FOXH1: variants seen among roughly 807,000 people sequenced by gnomAD.
FOXH1 encodes forkhead box H1, also known as forkhead box protein H1.
FOXH1 carries 10 observed loss-of-function variants against 14.2 expected under a neutral mutation model. The observed-to-expected ratio is 0.70, with a 90% CI of 0.43 to 1.19. FOXH1 has a LOEUF of 1.19. FOXH1 is among the 50% of genes most tolerant of loss of function. The pLI is 0.00. For synonymous variants in FOXH1, 273 were observed against 209.5 expected, an observed-to-expected ratio of 1.30 and a Z score of -2.62; for missense variants, 643 against 492.1, an observed-to-expected ratio of 1.31 and a Z score of -2.90.
rs760782228 is a variant in FOXH1 at position 144,474,610 on chromosome 8, G to A, written c.726C>T (p.Thr242=). 13 of 1,600,976 alleles carry A rather than the reference G, an allele frequency of 8.1e-6. No homozygotes were observed. The Admixed American group carries it at 1.5e-4, about 19-fold the overall frequency. The change falls in exon 3 of 3, where the codon ACC becomes ACT. Residue 242 remains threonine, a synonymous_variant. Transcript: ENST00000377317. Reference sequence around the variant, plus strand: ...GCCAGGCCCTAGGCTCTGGGGAGAGGGTTGAGGGCCCGATGGCTCCCCCCT... The same window carrying A: ...GCCAGGCCCTAGGCTCTGGGGAGAGAGTTGAGGGCCCGATGGCTCCCCCCT... The part of the protein sequence containing the change: ...TVQGGAIGPS[T]LSPEPRAWPL...
At position 144,475,673 on chromosome 8, in the gene FOXH1, G is replaced by C; in HGVS notation, c.84C>G (p.Tyr28Ter). The C allele has an allele frequency of 7.0e-7, 1 of 1,425,268 alleles. No homozygotes were observed. The highest frequency in any genetic ancestry group is 9.2e-7 in the Non-Finnish European group (1 of 1,087,628). The allele number at this position is 1,425,268 out of a possible 1,614,324, so 88.3% of individuals were successfully genotyped here. ...SQPPKRRKKRYLRHDKPPYTY... is the reference protein window; with the variant it reads ...SQPPKRRKKR ...TGTAGGGGGGCTTGTCATGTCGCAG[G>C]TACCTCTTCTTCCTCCTCTTAGGGG... Residue 28 changes from tyrosine to a stop codon, truncating the protein, a stop_gained, in exon 1 of 3, where the codon TAC becomes TAG. Transcript: ENST00000377317. LOFTEE classifies it high-confidence loss of function.
rs1825128070 is a variant in FOXH1 at position 144,475,657 on chromosome 8, G to A, written c.100C>T (p.Pro34Ser). 1.4e-6 allele frequency: 2 copies of A among 1,422,098 alleles called. No individual in the cohort carries two copies. Among genetic ancestry groups the A allele is most frequent in the Non-Finnish European group, 9.2e-7 (1 of 1,085,418 alleles). The allele number at this position is 1,422,098 out of a possible 1,614,324, so 88.1% of individuals were successfully genotyped here. The change falls in exon 1 of 3, where the codon CCC becomes TCC. Residue 34 changes from proline (P) to serine (S), a missense_variant. Physicochemically the swap from Pro to Ser is moderately conservative, Grantham distance 74 (BLOSUM62 -1). Transcript: ENST00000377317. ...ATCATGGCCAAGTAGGTGTAGGGGG[G>A]CTTGTCATGTCGCAGGTACCTCTTC... is the stretch of plus-strand genomic sequence containing the variant. The part of the protein sequence containing the change: ...RKKRYLRHDK[P>S]PYTYLAMIAL...
At chr8:144,475,385 A>C (rs542077597) in intron 1 of FOXH1, 124 bp from the exon 2 acceptor site, 1 of 971,168 alleles carries the variant, frequency 1.0e-6, no homozygotes, top group African/African-American at 1.6e-5. Flanking sequence ...CCGAAGAAGG[A>C]CATTTCTGCG....
Position 144,475,200 on chromosome 8 carries a change from T to C in FOXH1, c.236A>G (p.Asp79Gly). 8 of 1,613,428 alleles carry C rather than the reference T, an allele frequency of 5.0e-6. No homozygotes were observed. The highest frequency in any genetic ancestry group is 6.8e-6 in the Non-Finnish European group (8 of 1,179,870). ...FFREDYEGWK[D>G]SIRHNLSSNR... ...GGAGGAAAGGTTGTGGCGAATGGAGTCTTTCCAGCCCTCGTAGTCTTCCCT... is the reference window on the plus strand; with the variant it reads ...GGAGGAAAGGTTGTGGCGAATGGAGCCTTTCCAGCCCTCGTAGTCTTCCCT... Residue 79 changes from aspartate (D) to glycine (G), a missense_variant, in exon 2 of 3, where the codon GAC becomes GGC. Asp to Gly is a moderately conservative substitution (Grantham distance 94, BLOSUM62 -1). Transcript: ENST00000377317.
rs1257329160 is a variant in FOXH1 at position 144,475,015 on chromosome 8, G to C, written c.321C>G (p.Phe107Leu). ...GGATCAGGCTCACGTCGACCGCCCA[G>C]AAGTTGCCCTTGGCCTGGGGCTTTG... is the stretch of plus-strand genomic sequence containing the variant. ...DPAKPQAKGNFWAVDVSLIPA... is the reference protein window; with the variant it reads ...DPAKPQAKGNLWAVDVSLIPA... Residue 107 changes from phenylalanine to leucine, a missense_variant, in exon 3 of 3, where the codon TTC becomes TTG. Physicochemically the swap from Phe to Leu is conservative, Grantham distance 22. Transcript: ENST00000377317. The C allele has an allele frequency of 1.9e-6, 3 of 1,605,360 alleles. No individual in the cohort carries two copies. Among genetic ancestry groups the C allele is most frequent in the Admixed American group, 1.7e-5 (1 of 59,076 alleles).
At position 144,474,973 on chromosome 8, in the gene FOXH1, C is replaced by G. The variant is rs80356380; in HGVS notation, c.363G>C (p.Arg121=). The part of the protein sequence containing the change: ...DVSLIPAEAL[R]LQNTALCRRW... ...GCCGGCACAGGGCGGTGTTCTGCAGCCGGAGCGCCTCAGCTGGGATCAGGC... is the reference window on the plus strand; with the variant it reads ...GCCGGCACAGGGCGGTGTTCTGCAGGCGGAGCGCCTCAGCTGGGATCAGGC... The change falls in exon 3 of 3, where the codon CGG becomes CGC. Residue 121 remains arginine (R), a synonymous_variant. Transcript: ENST00000377317. 10,111 of 1,607,518 alleles carry G rather than the reference C, an allele frequency of 6.3e-3. 526 individuals are homozygous for G. The African/African-American group carries it at 0.12, about 19-fold the overall frequency.
In FOXH1 at chr8:144,473,435, C is replaced by T; in HGVS notation, c.*803G>A. On this transcript the variant is annotated 3_prime_UTR_variant, in exon 3 of 3. Coordinates refer to ENST00000377317, the MANE Select transcript of FOXH1 (RefSeq NM_003923.3). ...CATGGGGTCTCAGGCCAGGTCTCTG[C>T]TGGCAGAGGCGGTAGTAAAGTCCCT... 2.0e-6 allele frequency: 3 copies of T among 1,538,140 alleles called. No individual in the cohort carries two copies. The highest frequency in any genetic ancestry group is 1.7e-6 in the Non-Finnish European group (2 of 1,147,166).
intron 1 of FOXH1, 65 bp from the exon 2 acceptor site, chr8:144,475,326 C>A (rs1263286573): frequency 7.4e-7 from 1 of 1,350,538 alleles, no homozygotes; most frequent in Non-Finnish European, 1.0e-6. Flanking sequence ...CGCCCTACCC[C>A]TCCCCCACTA....
rs1564752240 is a variant in FOXH1 at position 144,474,968 on chromosome 8, T to C, written c.368A>G (p.Gln123Arg). The part of the protein sequence containing the change: ...SLIPAEALRL[Q>R]NTALCRRWQN... ...CCAGCGCCGGCACAGGGCGGTGTTC[T>C]GCAGCCGGAGCGCCTCAGCTGGGAT... The change falls in exon 3 of 3, where the codon CAG (glutamine) becomes CGG (arginine). Residue 123 changes from glutamine (Q) to arginine (R), a missense_variant. Physicochemically the swap from Gln to Arg is conservative, Grantham distance 43 (BLOSUM62 1). Transcript: ENST00000377317. 8.1e-6 allele frequency: 13 copies of C among 1,607,648 alleles called. No individual in the cohort carries two copies. Among genetic ancestry groups the C allele is most frequent in the Admixed American group, 1.7e-5 (1 of 59,530 alleles).
chr8:144,474,292 A>C lies in FOXH1; in HGVS notation c.1044T>G (p.Pro348=). The change falls in exon 3 of 3, where the codon CCT becomes CCG. Residue 348 remains proline (P), a synonymous_variant. Transcript: ENST00000377317. ...CTGGGCCAGGGGCCGCCAGGTCCCGAGGGTGGCTGACCCAAACGTCGTAGA... is the reference window on the plus strand; with the variant it reads ...CTGGGCCAGGGGCCGCCAGGTCCCGCGGGTGGCTGACCCAAACGTCGTAGA... The part of the protein sequence containing the change: ...KSIYDVWVSH[P]RDLAAPGPGW... The C allele has an allele frequency of 6.2e-7, 1 of 1,606,742 alleles. No individual in the cohort carries two copies. Among genetic ancestry groups the C allele is most frequent in the Non-Finnish European group, 8.5e-7 (1 of 1,175,786 alleles).
Position 144,473,428 on chromosome 8 carries a change from G to A in FOXH1, c.*810C>T, listed in dbSNP as rs1337611201. 2 of 1,551,712 alleles carry A rather than the reference G, an allele frequency of 1.3e-6. No homozygotes were observed. The highest frequency in any genetic ancestry group is 1.7e-6 in the Non-Finnish European group (2 of 1,154,160). ...CCCTGCCCATGGGGTCTCAGGCCAG[G>A]TCTCTGCTGGCAGAGGCGGTAGTAA... On this transcript the variant is annotated 3_prime_UTR_variant, in exon 3 of 3. Transcript: ENST00000377317.
Position 144,475,271 on chromosome 8 carries a change from C to A in FOXH1, c.175-10G>T. ...GGACCTGACGGATGATCTGAAACCG[C>A]CAGGCGGCCGGCCGGCGCCGTGAGC... On this transcript the variant is annotated splice_polypyrimidine_tract_variant and intron_variant, in intron 1 of 2. Coordinates refer to ENST00000377317, the MANE Select transcript of FOXH1 (RefSeq NM_003923.3). 3.1e-6 allele frequency: 5 copies of A among 1,608,544 alleles called. No individual in the cohort carries two copies. Among genetic ancestry groups the A allele is most frequent in the Non-Finnish European group, 4.2e-6 (5 of 1,176,792 alleles).
At position 144,474,734 on chromosome 8, in the gene FOXH1, TC is replaced by T. The variant is rs1825089482; in HGVS notation, c.601del (p.Glu201ArgfsTer90). The T allele has an allele frequency of 3.9e-6, 6 of 1,555,174 alleles. No homozygotes were observed. The East Asian group carries it at 1.4e-4, about 36-fold the overall frequency. ...PVPAGTGNSG[E>X]EAVPTPPLPS... ...AAGGGGTGGGGTGGGCACCGCCTCC[TC>T]CCCACTGTTCCCTGTGCCTGCAGGA... On this transcript the variant is annotated frameshift_variant, in exon 3 of 3. Coordinates refer to ENST00000377317, the MANE Select transcript of FOXH1 (RefSeq NM_003923.3). LOFTEE classifies it low-confidence loss of function (END_TRUNC).
chr8:144,474,442 G>A lies in FOXH1; in HGVS notation c.894C>T (p.Thr298=), dbSNP rs1825074435. The change falls in exon 3 of 3, where the codon ACC becomes ACT. Residue 298 remains threonine, a synonymous_variant. Transcript: ENST00000377317. ...TGGTTGACGGACACTGGGGACAGGA[G>A]GTGGGTGGTGGTGCCAAGGGCATTA... ...NVVMPLAPPP[T]SCPQCPSTSP... 1 of 1,613,056 alleles carries A rather than the reference G, an allele frequency of 6.2e-7. No homozygotes were observed. Among genetic ancestry groups the A allele is most frequent in the Non-Finnish European group, 8.5e-7 (1 of 1,180,010 alleles).
At position 144,475,265 on chromosome 8, in the gene FOXH1, A is replaced by G; in HGVS notation, c.175-4T>C. On this transcript the variant is annotated splice_polypyrimidine_tract_variant and splice_region_variant and intron_variant, in intron 1 of 2. Transcript: ENST00000377317. ...CGGCCTGGACCTGACGGATGATCTG[A>G]AACCGCCAGGCGGCCGGCCGGCGCC... 3 of 1,610,860 alleles carry G rather than the reference A, an allele frequency of 1.9e-6. No individual in the cohort carries two copies. Among genetic ancestry groups the G allele is most frequent in the South Asian group, 2.2e-5 (2 of 90,824 alleles).
intron 2 of FOXH1, 43 bp from the exon 3 acceptor site, chr8:144,475,099 G>A (rs377437861): frequency 1.1e-5 from 17 of 1,603,310 alleles, no homozygotes; most frequent in Admixed American, 5.1e-5. Context: ...CCCAACCTTG[G>A]ATGCTCAGGA....
chr8:144,475,220 T>G lies in FOXH1; in HGVS notation c.216A>C (p.Glu72Asp). 6.2e-7 allele frequency: 1 copy of G among 1,613,568 alleles called. No homozygotes were observed. The highest frequency in any genetic ancestry group is 8.5e-7 in the Non-Finnish European group (1 of 1,179,876). The change falls in exon 2 of 3, where the codon GAA (glutamate) becomes GAC (aspartate). Residue 72 changes from glutamate (E) to aspartate (D), a missense_variant. By Grantham distance (45) the Glu-to-Asp change is conservative. Coordinates refer to ENST00000377317, the MANE Select transcript of FOXH1 (RefSeq NM_003923.3). The part of the protein sequence containing the change: ...QVQAVFPFFR[E>D]DYEGWKDSIR... ...TGGAGTCTTTCCAGCCCTCGTAGTC[T>G]TCCCTGAAGAAGGGGAACACGGCCT...
At chr8:144,475,390 T>C (rs909985054) in intron 1 of FOXH1, 129 bp from the exon 2 acceptor site, 3 of 964,376 alleles carry the variant, frequency 3.1e-6, no homozygotes, top group Non-Finnish European at 4.8e-6. Context: ...GAAGGACATT[T>C]CTGCGCGGAA....
At chr8:144,475,105 C>G (rs528634302) in intron 2 of FOXH1, 49 bp from the exon 3 acceptor site, 2 of 1,604,540 alleles carry the variant, frequency 1.2e-6, no homozygotes, top group East Asian at 2.2e-5. Flanking sequence ...CTTGGATGCT[C>G]AGGACTTCCG....
Sources: allele counts gnomAD v4.1 joint callset, GRCh38; gene constraint gnomAD v4.1.1; transcripts MANE v1.5; gene names NCBI Gene and HGNC (gene_info 2026-07-23, HGNC 2026-07-21).